The following CDH18 variants were observed in gnomAD, a reference collection of about 807,000 sequenced individuals.
CDH18 encodes the protein cadherin-18.
Under a neutral mutation model 67.9 loss-of-function variants are expected in CDH18, and 31 were observed. The observed-to-expected ratio is 0.46, with a 90% CI of 0.34 to 0.62. CDH18 has a LOEUF of 0.62. Among genes scored for constraint, CDH18 ranks in the 20% least tolerant of loss-of-function variants. CDH18 has a pLI of 0.01. For synonymous variants in CDH18, 362 were observed against 347.2 expected (o/e 1.04, Z -0.48); for missense variants, 890 against 975.5 (o/e 0.91, Z 1.17).
chr5:19,490,927 T>A lies in CDH18; in HGVS notation c.1631-7375A>T, dbSNP rs139925150. On this transcript the variant is annotated intron_variant, in intron 11 of 12. Coordinates refer to ENST00000382275, the MANE Select transcript of CDH18 (RefSeq NM_004934.5). ...TATATAAAACAACAATTAATAGAGT[T>A]TGAAATAACCAGAGAGAGAACAAAA... 3.3e-3 allele frequency among the ~76,000 whole-genome samples: 507 copies of A among 152,184 alleles called. 1 individual carries two copies. The highest frequency in any genetic ancestry group is 0.012 in the African/African-American group (484 of 41,518).
At chr5:19,839,336 G>T in intron 2 of CDH18, 94 bp from the exon 3 acceptor site, 1 of 238,952 alleles carries the variant, frequency 4.2e-6, no homozygotes, top group Non-Finnish European at 8.4e-6. Context: ...ATGTGATACT[G>T]ATAGGCAAAG....
intron 3 of CDH18, among the ~76,000 whole-genome samples, chr5:19,808,832 C>CAAAAAAAAAAA (rs1173922790): frequency 1.9e-5 from 1 of 53,936 alleles, no homozygotes; most frequent in Non-Finnish European, 3.2e-5. Flanking sequence ...AACTCTGTCT[C>CAAAAAAAAAAA]AAAAAAAAAA....
intron 1 of CDH18, among the ~76,000 whole-genome samples, chr5:20,363,525 T>C (rs1742268465): frequency 6.9e-6 from 1 of 145,156 alleles, no homozygotes; most frequent in Admixed American, 6.9e-5. Flanking sequence ...TTACGTCCCA[T>C]ATTAATGACA....
intron 2 of CDH18, among the ~76,000 whole-genome samples, chr5:20,211,835 C>G (rs138948587): frequency 6.6e-6 from 1 of 151,086 alleles, no homozygotes; most frequent in Non-Finnish European, 1.5e-5. Flanking sequence ...GAAACCAGAA[C>G]AGAAAAGCTG....
chr5:20,245,212 T>A lies in CDH18; in HGVS notation c.-518+10232A>T, dbSNP rs527488159. Among the ~76,000 whole-genome samples the A allele has an allele frequency of 8.3e-4, 126 of 152,266 alleles. 2 individuals are homozygous for A. The South Asian group carries it at 0.025, about 30-fold the overall frequency. On this transcript the variant is annotated intron_variant, in intron 2 of 14. Transcript: ENST00000507958. ...CATACAAAACAATCTGGATACACCATTTCTGAAATAATGTTGAAAAAGATG... is the reference window on the plus strand; with the variant it reads ...CATACAAAACAATCTGGATACACCAATTCTGAAATAATGTTGAAAAAGATG...
At chr5:19,625,323 T>G (rs72739139) in intron 5 of CDH18, among the ~76,000 whole-genome samples, 7,722 of 146,164 alleles carry the variant, frequency 0.053, 261 homozygotes, top group Non-Finnish European at 0.075. Flanking sequence ...AAATTATTTG[T>G]TTTTTTTTTC....
chr5:19,637,389 C>T (rs1301481116), intron 5 of CDH18, among the ~76,000 whole-genome samples: 1 of 151,584 alleles, frequency 6.6e-6, no homozygotes, highest in Non-Finnish European at 1.5e-5. Context: ...TATTTAATAT[C>T]ACACATTTCC....
At chr5:19,860,825 A>G (rs1784816491) in intron 2 of CDH18, among the ~76,000 whole-genome samples, 1 of 152,144 alleles carries the variant, frequency 6.6e-6, no homozygotes, top group East Asian at 1.9e-4. Context: ...TATTCTTCTG[A>G]ACATCTTTTA....
At chr5:20,495,085 T>C (rs1196013919) in intron 1 of CDH18, among the ~76,000 whole-genome samples, 2 of 152,198 alleles carry the variant, frequency 1.3e-5, no homozygotes, top group Non-Finnish European at 2.9e-5. Context: ...TATAACATTG[T>C]ACCTTTCTCA....
chr5:19,570,305 A>C (rs1202912156), intron 8 of CDH18, among the ~76,000 whole-genome samples: 1 of 152,128 alleles, frequency 6.6e-6, no homozygotes, highest in Non-Finnish European at 1.5e-5. Context: ...TATTTTGCAT[A>C]GTTTACCGAT....
chr5:20,459,029 GAT>G (rs1751040874), intron 1 of CDH18, among the ~76,000 whole-genome samples: 3 of 136,278 alleles, frequency 2.2e-5, no homozygotes, highest in Non-Finnish European at 4.7e-5. Flanking sequence ...TGCCTGAAAT[GAT>G]ACACAAAACA....
chr5:20,094,028 A>C (rs1009104537), intron 2 of CDH18, among the ~76,000 whole-genome samples: 1 of 152,186 alleles, frequency 6.6e-6, no homozygotes. Flanking sequence ...CCAAGAAAAC[A>C]AAAATTCAGG....
At chr5:20,086,057 GA>G (rs1744922444) in intron 2 of CDH18, among the ~76,000 whole-genome samples, 1 of 152,182 alleles carries the variant, frequency 6.6e-6, no homozygotes, top group Admixed American at 6.5e-5. Context: ...AAATACAAAG[GA>G]AAGGGCCTTG....
At chr5:19,475,922 T>C (rs971824212) in intron 12 of CDH18, among the ~76,000 whole-genome samples, 2 of 152,108 alleles carry the variant, frequency 1.3e-5, no homozygotes, top group Non-Finnish European at 2.9e-5. Context: ...TCTTCACTTT[T>C]ATCATTATGG....
intron 1 of CDH18, among the ~76,000 whole-genome samples, chr5:20,516,298 C>G (rs1258285191): frequency 6.6e-6 from 1 of 151,768 alleles, no homozygotes; most frequent in Non-Finnish European, 1.5e-5. Flanking sequence ...CATAGGAGAA[C>G]AAGAGGTTTA....
intron 2 of CDH18, among the ~76,000 whole-genome samples, chr5:19,874,072 T>C (rs1488767567): frequency 6.6e-6 from 1 of 152,250 alleles, no homozygotes; most frequent in Non-Finnish European, 1.5e-5. Flanking sequence ...CTCAGAAGTA[T>C]GTCATTTCTC....
At chr5:19,995,387 G>A (rs1305850080) in intron 2 of CDH18, among the ~76,000 whole-genome samples, 1 of 151,908 alleles carries the variant, frequency 6.6e-6, no homozygotes, top group African/African-American at 2.4e-5. Flanking sequence ...TTGAATGCAA[G>A]CTACAAATGT....
chr5:20,124,452 AC>A (rs1748651291), intron 2 of CDH18, among the ~76,000 whole-genome samples: 1 of 152,190 alleles, frequency 6.6e-6, no homozygotes, highest in African/African-American at 2.4e-5. Flanking sequence ...CACCTTGAGT[AC>A]CAGTCTTCTT....
At position 19,703,107 on chromosome 5, in the gene CDH18, C is replaced by T. The variant is rs888029522; in HGVS notation, c.643+18240G>A. 6.9e-4 allele frequency among the ~76,000 whole-genome samples: 105 copies of T among 152,168 alleles called. 1 individual carries two copies. The highest frequency in any genetic ancestry group is 2.8e-4 in the Non-Finnish European group (19 of 68,036). Reference sequence around the variant, plus strand: ...AGGCTGTCAGCCCCGATTCCTACTCCGCACTCCATATTTCTCTGTGTGTGT... The same window carrying T: ...AGGCTGTCAGCCCCGATTCCTACTCTGCACTCCATATTTCTCTGTGTGTGT... On this transcript the variant is annotated intron_variant, in intron 5 of 12. Coordinates refer to ENST00000382275, the MANE Select transcript of CDH18 (RefSeq NM_004934.5).
Sources: gnomAD v4.1 joint callset for allele counts (sites outside exome capture counted in the v4.1 genomes callset) on GRCh38, gnomAD v4.1.1 for gene constraint, MANE v1.5 for transcripts, NCBI Gene and HGNC (gene_info 2026-07-23, HGNC 2026-07-21) for gene names.